ARHGEF38: variants seen among roughly 807,000 people sequenced by gnomAD.
The protein encoded by ARHGEF38 is Rho guanine nucleotide exchange factor (GEF) 38.
A neutral mutation model predicts 79.9 loss-of-function variants in ARHGEF38; 79 were observed. The ratio of observed to expected loss-of-function variants is 0.99; its 90% CI spans 0.82 to 1.19. ARHGEF38 has a LOEUF of 1.19. Ranked by LOEUF, ARHGEF38 falls within the 50% of genes most tolerant of loss-of-function variation. The pLI is 0.00. For missense variants in ARHGEF38, 962 were observed against 907.2 expected (o/e 1.06, Z -0.78); for synonymous variants, 366 against 328.3 (o/e 1.11, Z -1.24).
chr4:105,659,148 A>G lies in ARHGEF38; in HGVS notation c.1328A>G (p.Lys443Arg). The change falls in exon 10 of 14, where the codon AAA (lysine) becomes AGA (arginine). Residue 443 changes from lysine (K) to arginine (R), a missense_variant. By Grantham distance (26) the Lys-to-Arg change is conservative. Transcript: ENST00000420470. Reference sequence around the variant, plus strand: ...AAGCTCATCCAGAAACGCTATGACAAACTGCTGGATTGCAACAGCTACCTG... The same window carrying G: ...AAGCTCATCCAGAAACGCTATGACAGACTGCTGGATTGCAACAGCTACCTG... ...PHKLIQKRYD[K>R]LLDCNSYLQR... 1.3e-6 allele frequency: 2 copies of G among 1,536,172 alleles called. No individual in the cohort carries two copies. Among genetic ancestry groups the G allele is most frequent in the Middle Eastern group, 1.7e-4 (1 of 5,988 alleles).
At chr4:105,669,272 C>T (rs1489592790) in intron 13 of ARHGEF38, among the ~76,000 whole-genome samples, 1 of 147,716 alleles carries the variant, frequency 6.8e-6, no homozygotes, top group African/African-American at 2.5e-5. Context: ...CCTTAAAAAG[C>T]TCTACACAGT....
intron 13 of ARHGEF38, among the ~76,000 whole-genome samples, chr4:105,676,325 G>C (rs1158414239): frequency 6.6e-6 from 1 of 152,166 alleles, no homozygotes; most frequent in East Asian, 1.9e-4. Context: ...ATTTATGAAA[G>C]ATAACTTATT....
intron 1 of ARHGEF38, among the ~76,000 whole-genome samples, chr4:105,554,570 T>A (rs1044412253): frequency 4.6e-5 from 7 of 152,230 alleles, no homozygotes; most frequent in Admixed American, 4.6e-4. Flanking sequence ...TATTCCATGA[T>A]GAATATGTAC....
At chr4:105,655,837 A>C in intron 9 of ARHGEF38, 115 bp downstream of exon 9, 1 of 1,130,986 alleles carries the variant, frequency 8.8e-7, no homozygotes, top group Non-Finnish European at 1.2e-6. Context: ...AGCAAATATT[A>C]ATGTCAAAAT....
rs564877605 is a variant in ARHGEF38 at position 105,599,572 on chromosome 4, G to A, written c.384+10137G>A. Among the ~76,000 whole-genome samples, 13 of 152,120 alleles carry A rather than the reference G, an allele frequency of 8.5e-5. No homozygotes were observed. The South Asian group carries it at 1.9e-3, about 22-fold the overall frequency. ...TTTTTTGTGCATGTGTAGAATAAGC[G>A]ACAAAATTTCAGCGGCTGTGATTAT... On this transcript the variant is annotated intron_variant, in intron 2 of 13. Transcript: ENST00000420470.
intron 1 of ARHGEF38, among the ~76,000 whole-genome samples, chr4:105,568,065 G>A (rs936164450): frequency 6.7e-6 from 1 of 150,302 alleles, no homozygotes; most frequent in Non-Finnish European, 1.5e-5. Context: ...AGTTTACTGA[G>A]AATGATGATT....
At chr4:105,640,921 C>T (rs143811049) in intron 5 of ARHGEF38, among the ~76,000 whole-genome samples, 3 of 152,132 alleles carry the variant, frequency 2.0e-5, no homozygotes, top group Non-Finnish European at 2.9e-5. Context: ...TTCTTTTTGT[C>T]CTTAGCACTC....
At chr4:105,662,012 C>T (rs565840865) in intron 10 of ARHGEF38, among the ~76,000 whole-genome samples, 153 of 152,160 alleles carry the variant, frequency 1.0e-3, no homozygotes, top group Non-Finnish European at 1.9e-3. Flanking sequence ...AGGGTAAAGA[C>T]GTATGTAATT....
intron 1 of ARHGEF38, among the ~76,000 whole-genome samples, chr4:105,587,079 C>T (rs747573068): frequency 6.6e-6 from 1 of 152,176 alleles, no homozygotes; most frequent in Non-Finnish European, 1.5e-5. Flanking sequence ...ATTGTAATGA[C>T]ACGTGATTGT....
intron 1 of ARHGEF38, among the ~76,000 whole-genome samples, chr4:105,558,154 A>G (rs2110390642): frequency 6.6e-6 from 1 of 152,318 alleles, no homozygotes; most frequent in Non-Finnish European, 1.5e-5. Flanking sequence ...ACTTTATACA[A>G]AATAACAGAT....
chr4:105,561,911 G>A (rs1725651076), intron 1 of ARHGEF38, among the ~76,000 whole-genome samples: 1 of 152,162 alleles, frequency 6.6e-6, no homozygotes, highest in Admixed American at 6.5e-5. Context: ...TAGGGTTGGG[G>A]AAAGAAATTG....
intron 1 of ARHGEF38, among the ~76,000 whole-genome samples, chr4:105,570,851 A>G (rs1726188187): frequency 6.6e-6 from 1 of 152,182 alleles, no homozygotes; most frequent in Admixed American, 6.5e-5. Context: ...AACATCAATG[A>G]ACCTTGAGGA....
intron 2 of ARHGEF38, among the ~76,000 whole-genome samples, chr4:105,597,456 T>A (rs1727632140): frequency 6.6e-6 from 1 of 152,088 alleles, no homozygotes; most frequent in Non-Finnish European, 1.5e-5. Context: ...ACCATGGAAT[T>A]CTCTCTCTCT....
downstream of ARHGEF38, chr4:105,682,470 A>G: frequency 3.0e-6 from 1 of 331,082 alleles, no homozygotes; most frequent in Non-Finnish European, 5.5e-6. Flanking sequence ...GATGCTTTCA[A>G]TCTTCTGAAG....
chr4:105,655,928 T>G (rs989313994), intron 9 of ARHGEF38, among the ~76,000 whole-genome samples: 1 of 152,230 alleles, frequency 6.6e-6, no homozygotes, highest in South Asian at 2.1e-4. Context: ...GATGGAAATT[T>G]AAGAGGACCA....
intron 5 of ARHGEF38, among the ~76,000 whole-genome samples, chr4:105,644,150 A>G (rs28437813): frequency 0.07 from 10,575 of 152,080 alleles, 1,197 homozygotes; most frequent in African/African-American, 0.24. Flanking sequence ...TTACAGGCCC[A>G]AACCACTGTG....
intron 1 of ARHGEF38, among the ~76,000 whole-genome samples, chr4:105,574,848 A>G (rs1726413036): frequency 6.6e-6 from 1 of 152,136 alleles, no homozygotes; most frequent in South Asian, 2.1e-4. Context: ...TGTATCCAAC[A>G]TGTAGTTTTG....
intron 10 of ARHGEF38, among the ~76,000 whole-genome samples, chr4:105,661,474 T>TTTA (rs140964351): frequency 0.06 from 8,494 of 141,668 alleles, 304 homozygotes; most frequent in African/African-American, 0.099. Flanking sequence ...TCCACACCTC[T>TTTA]TTATTATTAT....
intron 3 of ARHGEF38, among the ~76,000 whole-genome samples, chr4:105,628,945 C>G (rs960600942): frequency 6.6e-5 from 10 of 152,130 alleles, no homozygotes; most frequent in Non-Finnish European, 1.2e-4. Flanking sequence ...TAGTCAGTGG[C>G]GGGCACTTTT....
Sources: gnomAD v4.1 joint callset for allele counts (sites outside exome capture counted in the v4.1 genomes callset) on GRCh38, gnomAD v4.1.1 for gene constraint, MANE v1.5 for transcripts, NCBI Gene and HGNC (gene_info 2026-07-23, HGNC 2026-07-21) for gene names.